SORCS3: variants seen among roughly 807,000 people sequenced by gnomAD.
SORCS3 encodes the protein VPS10 domain-containing receptor SorCS3.
A neutral mutation model predicts 146.3 loss-of-function variants in SORCS3; 57 were observed. The observed-to-expected ratio is 0.39, with a 90% CI of 0.31 to 0.49. The LOEUF is 0.49. SORCS3 is among the 20% of genes least tolerant of loss of function. SORCS3 has a pLI of 0.92. For synonymous variants in SORCS3, 653 were observed against 618.5 expected (o/e 1.06, Z -0.83); for missense variants, 1,341 against 1,575.5 (o/e 0.85, Z 2.52).
At chr10:105,147,304 GGT>G (rs1440613522) in intron 8 of SORCS3, among the ~76,000 whole-genome samples, 5 of 151,958 alleles carry the variant, frequency 3.3e-5, no homozygotes, top group African/African-American at 1.2e-4. Context: ...CTTTAGCAAG[GGT>G]GTCTGTCTCT....
chr10:105,074,647 G>T (rs1183249206), intron 5 of SORCS3, among the ~76,000 whole-genome samples: 1 of 152,170 alleles, frequency 6.6e-6, no homozygotes, highest in Non-Finnish European at 1.5e-5. Context: ...GTCCCCATAT[G>T]GTTACAACCT....
chr10:104,805,571 G>A (rs1324682704), intron 1 of SORCS3, among the ~76,000 whole-genome samples: 2 of 152,106 alleles, frequency 1.3e-5, no homozygotes, highest in African/African-American at 4.8e-5. Context: ...GAGGTAGTAG[G>A]GAGAAATGTC....
intron 1 of SORCS3, among the ~76,000 whole-genome samples, chr10:104,658,975 A>G (rs1273662491): frequency 6.6e-6 from 1 of 152,040 alleles, no homozygotes; most frequent in African/African-American, 2.4e-5. Context: ...TCTGAGACTC[A>G]AGTTTCCTCA....
chr10:104,764,119 A>G (rs1488815081), intron 1 of SORCS3, among the ~76,000 whole-genome samples: 3 of 151,976 alleles, frequency 2.0e-5, no homozygotes, highest in Admixed American at 1.3e-4. Context: ...CAGGATATCT[A>G]AAAAACTTAT....
intron 1 of SORCS3, among the ~76,000 whole-genome samples, chr10:104,680,110 A>G (rs1440696294): frequency 6.6e-6 from 1 of 152,156 alleles, no homozygotes; most frequent in African/African-American, 2.4e-5. Flanking sequence ...TTATTCATTA[A>G]TTCACTCAGC....
intron 5 of SORCS3, among the ~76,000 whole-genome samples, chr10:105,059,004 CA>C (rs1464800831): frequency 1.3e-5 from 2 of 152,154 alleles, no homozygotes; most frequent in African/African-American, 4.8e-5. Context: ...TCTTCGGCCC[CA>C]CCTGGAAATC....
intron 7 of SORCS3, among the ~76,000 whole-genome samples, chr10:105,132,225 A>C (rs1349846730): frequency 6.6e-6 from 1 of 152,166 alleles, no homozygotes; most frequent in Non-Finnish European, 1.5e-5. Context: ...TAACGTGTAC[A>C]CAGGAATGGT....
intron 3 of SORCS3, among the ~76,000 whole-genome samples, chr10:104,939,495 C>T (rs963112270): frequency 1.2e-4 from 18 of 151,188 alleles, no homozygotes; most frequent in African/African-American, 4.2e-4. Flanking sequence ...AGTGAATTCC[C>T]GTGGCTCCTC....
At chr10:105,028,889 A>T (rs147397931) in intron 4 of SORCS3, among the ~76,000 whole-genome samples, 60 of 152,290 alleles carry the variant, frequency 3.9e-4, no homozygotes, top group African/African-American at 1.4e-3. Context: ...AGTTCTCAAG[A>T]TCGGTACCTA....
At chr10:105,251,836 A>G (rs972621767) in intron 22 of SORCS3, among the ~76,000 whole-genome samples, 2 of 152,026 alleles carry the variant, frequency 1.3e-5, no homozygotes, top group African/African-American at 4.8e-5. Context: ...AGAAAAATTC[A>G]CTCGTATTCT....
chr10:105,032,523 A>G (rs1184565640), intron 4 of SORCS3, among the ~76,000 whole-genome samples: 1 of 152,142 alleles, frequency 6.6e-6, no homozygotes, highest in African/African-American at 2.4e-5. Context: ...ATGAACTCAG[A>G]TTTTCTGAGC....
chr10:104,808,116 G>C (rs1302559194), intron 1 of SORCS3, among the ~76,000 whole-genome samples: 1 of 152,186 alleles, frequency 6.6e-6, no homozygotes, highest in Non-Finnish European at 1.5e-5. Flanking sequence ...CTGGGTGGGG[G>C]GAGTGAGAGC....
At chr10:104,749,622 A>C (rs1400218517) in intron 1 of SORCS3, among the ~76,000 whole-genome samples, 1 of 152,180 alleles carries the variant, frequency 6.6e-6, no homozygotes, top group Non-Finnish European at 1.5e-5. Flanking sequence ...CATATCCCAC[A>C]AATGAGGGAG....
intron 1 of SORCS3, among the ~76,000 whole-genome samples, chr10:104,709,324 A>G (rs1027630866): frequency 4.6e-5 from 7 of 152,178 alleles, no homozygotes; most frequent in African/African-American, 1.7e-4. Flanking sequence ...CAGGAATGTC[A>G]TATTGGGCAA....
chr10:105,057,760 GC>G, intron 5 of SORCS3, among the ~76,000 whole-genome samples: 1 of 152,298 alleles, frequency 6.6e-6, no homozygotes, highest in Admixed American at 6.5e-5. Flanking sequence ...GGCTTTTTCA[GC>G]TGTCAGTGTA....
At chr10:104,982,777 C>G (rs998158582) in intron 4 of SORCS3, among the ~76,000 whole-genome samples, 1 of 152,124 alleles carries the variant, frequency 6.6e-6, no homozygotes, top group African/African-American at 2.4e-5. Context: ...GGCCCATAAT[C>G]AGAGATACCC....
intron 5 of SORCS3, among the ~76,000 whole-genome samples, chr10:105,061,896 G>C (rs1004121149): frequency 5.3e-5 from 8 of 152,116 alleles, no homozygotes; most frequent in African/African-American, 1.9e-4. Context: ...GCCACCAGGG[G>C]AGGGGTGTGA....
At chr10:105,142,628 C>T (rs1288761843) in intron 8 of SORCS3, among the ~76,000 whole-genome samples, 1 of 152,124 alleles carries the variant, frequency 6.6e-6, no homozygotes, top group Non-Finnish European at 1.5e-5. Flanking sequence ...ATCAGCTGAC[C>T]CCAAAGAAAA....
rs765425190 is a variant in SORCS3 at position 105,214,495 on chromosome 10, C to A, written c.2429C>A (p.Thr810Asn). 4 of 1,614,062 alleles carry A rather than the reference C, an allele frequency of 2.5e-6. No homozygotes were observed. In the African/African-American group the frequency reaches 5.3e-5, roughly 22 times the overall value. The change falls in exon 18 of 27, where the codon ACC becomes AAC. Residue 810 changes from threonine (T) to asparagine (N), a missense_variant. Coordinates refer to ENST00000369701, the MANE Select transcript of SORCS3 (RefSeq NM_014978.3). ...NCTDGLREKY[T>N]AKAQMCPGKA... ...ACAGATGGGCTAAGGGAGAAGTACA[C>A]CGCCAAGGCCCAGATGTGCCCTGGA...
Sources: gnomAD v4.1 joint callset for allele counts (sites outside exome capture counted in the v4.1 genomes callset) on GRCh38, gnomAD v4.1.1 for gene constraint, MANE v1.5 for transcripts, NCBI Gene and HGNC (gene_info 2026-07-23, HGNC 2026-07-21) for gene names.